The following ATOSA variants were observed in gnomAD, a reference collection of about 807,000 sequenced individuals.
ATOSA encodes the protein atos homolog A.
chr15:52,659,678 C>T, the ATOSA span, among the ~76,000 whole-genome samples: 1 of 151,946 alleles, frequency 6.6e-6, no homozygotes, highest in Non-Finnish European at 1.5e-5. Flanking sequence ...TATCTAAGTA[C>T]AGAATGAAAT....
At chr15:52,646,184 G>T in the ATOSA span, among the ~76,000 whole-genome samples, 1 of 152,076 alleles carries the variant, frequency 6.6e-6, no homozygotes, top group Non-Finnish European at 1.5e-5. Flanking sequence ...CACTGAATGC[G>T]TCTATGTGTG....
chr15:52,690,423 A>T, the ATOSA span, among the ~76,000 whole-genome samples: 1 of 152,212 alleles, frequency 6.6e-6, no homozygotes, highest in Non-Finnish European at 1.5e-5. Flanking sequence ...TTAAATATTC[A>T]TGGTTTCCGA....
At chr15:52,587,509 TAAAG>T in the ATOSA span, 1 of 219,022 alleles carries the variant, frequency 4.6e-6, no homozygotes, top group African/African-American at 2.3e-5. Flanking sequence ...AAAAAGGAAA[TAAAG>T]GAAGGTAATA....
At chr15:52,647,214 C>G in the ATOSA span, among the ~76,000 whole-genome samples, 2 of 147,222 alleles carry the variant, frequency 1.4e-5, no homozygotes, top group Non-Finnish European at 3.0e-5. Flanking sequence ...CACCTTCCAG[C>G]AAATTGGAGG....
At chr15:52,662,769 CA>C in the ATOSA span, among the ~76,000 whole-genome samples, 24,133 of 78,950 alleles carry the variant, frequency 0.31, 2,388 homozygotes, top group East Asian at 0.62. Flanking sequence ...GACTCCGTCT[CA>C]AAAAAAAAAA....
At chr15:52,684,241 A>G in the ATOSA span, among the ~76,000 whole-genome samples, 1 of 152,218 alleles carries the variant, frequency 6.6e-6, no homozygotes, top group East Asian at 1.9e-4. Flanking sequence ...ATCAATTTAA[A>G]TATAAATTTT....
chr15:52,609,317 T>C, the ATOSA span: 1 of 1,613,836 alleles, frequency 6.2e-7, no homozygotes, highest in Non-Finnish European at 8.5e-7. Flanking sequence ...TCCTTATTTT[T>C]CTTCAACAAA....
At chr15:52,683,751 G>C in the ATOSA span, among the ~76,000 whole-genome samples, 1 of 152,212 alleles carries the variant, frequency 6.6e-6, no homozygotes, top group African/African-American at 2.4e-5. Flanking sequence ...TTCACACCTA[G>C]TGAGCATGAC....
At chr15:52,647,239 T>C in the ATOSA span, among the ~76,000 whole-genome samples, 3 of 32,502 alleles carry the variant, frequency 9.2e-5, no homozygotes, top group East Asian at 0.038. Context: ...AATTAGTTTA[T>C]GTAAAAAAAA....
the ATOSA span, chr15:52,587,258 C>T: frequency 2.6e-6 from 4 of 1,525,446 alleles, no homozygotes; most frequent in Non-Finnish European, 3.6e-6. Context: ...CAAACTGATG[C>T]ATATGTACAT....
At chr15:52,629,474 C>A in the ATOSA span, among the ~76,000 whole-genome samples, 2 of 151,352 alleles carry the variant, frequency 1.3e-5, no homozygotes, top group African/African-American at 4.9e-5. Context: ...TCCTTTCATG[C>A]CCTAAAAATC....
At chr15:52,631,930 G>A in the ATOSA span, among the ~76,000 whole-genome samples, 5 of 152,222 alleles carry the variant, frequency 3.3e-5, no homozygotes, top group South Asian at 4.1e-4. Context: ...TGTAGAGACA[G>A]GAGCCTTGCT....
At chr15:52,600,277 A>G in the ATOSA span, 7 of 1,291,954 alleles carry the variant, frequency 5.4e-6, no homozygotes, top group Non-Finnish European at 7.7e-6. Flanking sequence ...ATTAGCCACA[A>G]TACTTTTTTT....
the ATOSA span, chr15:52,609,245 T>TC: frequency 6.2e-7 from 1 of 1,613,066 alleles, no homozygotes; most frequent in Non-Finnish European, 8.5e-7. Context: ...ACTAAGTTTT[T>TC]CCCATCACTG....
At chr15:52,609,654 T>C in the ATOSA span, 25 of 1,613,136 alleles carry the variant, frequency 1.5e-5, no homozygotes, top group Non-Finnish European at 1.9e-5. Flanking sequence ...CTTCTTTACC[T>C]TTTCCCACGT....
chr15:52,648,015 G>C, the ATOSA span, among the ~76,000 whole-genome samples: 2 of 152,102 alleles, frequency 1.3e-5, no homozygotes, highest in Non-Finnish European at 2.9e-5. Context: ...ACCTAGAAGT[G>C]TATCTTAGGG....
At chr15:52,635,336 T>C in the ATOSA span, among the ~76,000 whole-genome samples, 1 of 152,200 alleles carries the variant, frequency 6.6e-6, no homozygotes. Flanking sequence ...CCTTACCAGA[T>C]GCACACAAAA....
At chr15:52,663,106 T>C in the ATOSA span, among the ~76,000 whole-genome samples, 19 of 152,204 alleles carry the variant, frequency 1.2e-4, no homozygotes, top group Non-Finnish European at 1.9e-4. Context: ...TTCACATTAG[T>C]CTATCTGCCG....
At chr15:52,650,833 C>G in the ATOSA span, among the ~76,000 whole-genome samples, 1 of 152,168 alleles carries the variant, frequency 6.6e-6, no homozygotes, top group African/African-American at 2.4e-5. Flanking sequence ...TAGCTCAATA[C>G]GGATCCTTCG....
Sources: gnomAD v4.1 joint callset for allele counts (sites outside exome capture counted in the v4.1 genomes callset) on GRCh38, gnomAD v4.1.1 for gene constraint, MANE v1.5 for transcripts, NCBI Gene and HGNC (gene_info 2026-07-23, HGNC 2026-07-21) for gene names.